Variants in PRKG1 observed in about 807,000 individuals in gnomAD.
The protein encoded by PRKG1 is cGMP-dependent protein kinase 1.
A neutral mutation model predicts 88.1 loss-of-function variants in PRKG1; 35 were observed. The observed-to-expected ratio is 0.40, with a 90% CI of 0.30 to 0.53. The LOEUF is 0.53. Among genes scored for constraint, PRKG1 ranks in the 20% least tolerant of loss-of-function variants. The pLI is 0.59. For missense variants in PRKG1, 540 were observed against 839.8 expected (o/e 0.64, Z 4.41); for synonymous variants, 303 against 292.5 (o/e 1.04, Z -0.37).
intron 2 of PRKG1, among the ~76,000 whole-genome samples, chr10:51,176,102 C>T (rs889527224): frequency 3.3e-5 from 5 of 151,996 alleles, no homozygotes; most frequent in Admixed American, 2.0e-4. Flanking sequence ...AATATCAGGG[C>T]TAGAATCAAG....
At position 52,265,900 on chromosome 10, in the gene PRKG1, T is replaced by C. The variant is rs189028346; in HGVS notation, c.1174-5450T>C. Among the ~76,000 whole-genome samples, 853 of 152,222 alleles carry C rather than the reference T, an allele frequency of 5.6e-3. 3 individuals are homozygous for C. Among genetic ancestry groups the C allele is most frequent in the Non-Finnish European group, 9.2e-3 (628 of 67,996 alleles). The stretch of plus-strand genomic sequence containing the variant: ...TAACAATGTACTGTAAATGAAACAT[T>C]TACCGATTCTAATTTCTAATATAGC... On this transcript the variant is annotated intron_variant, in intron 10 of 17. Transcript: ENST00000373980.
intron 5 of PRKG1, among the ~76,000 whole-genome samples, chr10:51,917,640 T>A (rs762664570): frequency 4.6e-5 from 7 of 152,130 alleles, no homozygotes; most frequent in Admixed American, 2.0e-4. Context: ...TTAACAAAAA[T>A]AATACATGTT....
chr10:51,935,069 A>G (rs1842774246), intron 5 of PRKG1, among the ~76,000 whole-genome samples: 1 of 151,932 alleles, frequency 6.6e-6, no homozygotes, highest in South Asian at 2.1e-4. Context: ...TCTACTTGCT[A>G]CTCCAAAACT....
intron 2 of PRKG1, among the ~76,000 whole-genome samples, chr10:51,324,571 C>CAAAAAAAAAAA (rs34429733): frequency 7.1e-5 from 6 of 84,436 alleles, no homozygotes; most frequent in African/African-American, 1.5e-4. Flanking sequence ...ACTAAAAATA[C>CAAAAAAAAAAA]AAAAAAAAAA....
chr10:51,939,785 A>C (rs922984765), intron 5 of PRKG1, among the ~76,000 whole-genome samples: 5 of 150,874 alleles, frequency 3.3e-5, no homozygotes, highest in Admixed American at 6.6e-5. Context: ...AGAGTACTAT[A>C]TAACTGTAGA....
chr10:51,670,930 AT>A (rs528244792), intron 3 of PRKG1, among the ~76,000 whole-genome samples: 322 of 151,228 alleles, frequency 2.1e-3, no homozygotes, highest in African/African-American at 7.5e-3. Flanking sequence ...ATTTTGCTCT[AT>A]TTTTTTTACT....
chr10:52,209,875 C>T (rs1243390436), intron 9 of PRKG1, among the ~76,000 whole-genome samples: 1 of 152,162 alleles, frequency 6.6e-6, no homozygotes, highest in East Asian at 1.9e-4. Context: ...TTGACCTCCC[C>T]TCCCTGTGAC....
chr10:52,187,863 A>C, intron 9 of PRKG1, among the ~76,000 whole-genome samples: 1 of 152,222 alleles, frequency 6.6e-6, no homozygotes, highest in Admixed American at 6.5e-5. Flanking sequence ...CCTCAGGTGC[A>C]GTAAGTGGAC....
chr10:51,769,925 C>CCACATTTAAA, intron 3 of PRKG1, among the ~76,000 whole-genome samples: 1 of 152,308 alleles, frequency 6.6e-6, no homozygotes, highest in Non-Finnish European at 1.5e-5. Context: ...TTATGTGGAG[C>CCACATTTAAA]CACATTTAAA....
At chr10:51,985,295 A>T (rs895512431) in intron 5 of PRKG1, among the ~76,000 whole-genome samples, 2 of 150,290 alleles carry the variant, frequency 1.3e-5, no homozygotes, top group Non-Finnish European at 2.9e-5. Context: ...CATGCGATTG[A>T]CAGAGGCAAA....
chr10:51,927,847 G>A (rs1161991053), intron 5 of PRKG1, among the ~76,000 whole-genome samples: 3 of 152,278 alleles, frequency 2.0e-5, no homozygotes, highest in South Asian at 4.1e-4. Context: ...TAAGGCAGGA[G>A]TCAGCAAATT....
At chr10:51,620,918 G>A (rs1839188150) in intron 3 of PRKG1, among the ~76,000 whole-genome samples, 1 of 150,494 alleles carries the variant, frequency 6.6e-6, no homozygotes, top group Non-Finnish European at 1.5e-5. Flanking sequence ...ATCAAGGATT[G>A]GAATCCACTG....
At chr10:52,281,025 T>C (rs1465085422) in intron 13 of PRKG1, 95 bp downstream of exon 13, 3 of 1,392,998 alleles carry the variant, frequency 2.2e-6, no homozygotes, top group Admixed American at 4.5e-5. Context: ...TGAGTTTTCC[T>C]TTTCAATGTT....
At chr10:51,460,759 A>T (rs1049809344) in intron 2 of PRKG1, among the ~76,000 whole-genome samples, 3 of 152,196 alleles carry the variant, frequency 2.0e-5, no homozygotes, top group Non-Finnish European at 2.9e-5. Context: ...CATCTACAAT[A>T]GGTTTAGTAT....
intron 3 of PRKG1, among the ~76,000 whole-genome samples, chr10:51,735,883 A>ATATTTATTTATTTATT (rs1554836800): frequency 4.9e-5 from 5 of 102,846 alleles, no homozygotes; most frequent in South Asian, 3.2e-4. Flanking sequence ...ATATATATGT[A>ATATTTATTTATTTATT]TATTTATTTA....
rs1280877966 is a variant in PRKG1, at chr10:51,205,185, G to A, written c.478+51855G>A. 3.6e-5 allele frequency among the ~76,000 whole-genome samples: 4 copies of A among 112,202 alleles called. No individual in the cohort carries two copies. The East Asian group carries it at 1.0e-3, about 28-fold the overall frequency. 73.6% of individuals were successfully genotyped at this position (112,202 alleles called of 152,430 possible). A position where few individuals can be genotyped will look rare whatever the true frequency, so the allele number is the denominator to read the frequency against. On this transcript the variant is annotated intron_variant, in intron 2 of 17. Coordinates refer to ENST00000373980, the MANE Select transcript of PRKG1 (RefSeq NM_006258.4). ...GACAGAGTCTTGCTCTGTTGCCCAG[G>A]CGGGAGTGCAGTGGTGCAATCTTGG... is the stretch of plus-strand genomic sequence containing the variant.
chr10:52,036,515 C>T (rs1266573115), intron 5 of PRKG1, among the ~76,000 whole-genome samples: 2 of 151,494 alleles, frequency 1.3e-5, no homozygotes, highest in Non-Finnish European at 2.9e-5. Context: ...GGGATATTGG[C>T]GTTGAGTGGG....
intron 2 of PRKG1, among the ~76,000 whole-genome samples, chr10:51,224,246 T>A (rs1322228671): frequency 6.6e-6 from 1 of 152,176 alleles, no homozygotes; most frequent in Non-Finnish European, 1.5e-5. Context: ...TTCTGTCAGT[T>A]TAGGTATCAT....
At chr10:51,627,734 C>T (rs183312481) in intron 3 of PRKG1, among the ~76,000 whole-genome samples, 1 of 152,218 alleles carries the variant, frequency 6.6e-6, no homozygotes, top group East Asian at 1.9e-4. Flanking sequence ...GTATATCTAA[C>T]TCACTGTTTT....
Sources: allele counts gnomAD v4.1 joint callset (sites outside exome capture counted in the v4.1 genomes callset), GRCh38; gene constraint gnomAD v4.1.1; transcripts MANE v1.5; gene names NCBI Gene and HGNC (gene_info 2026-07-23, HGNC 2026-07-21).